The following BNIP2 variants were observed in gnomAD, a reference collection of about 807,000 sequenced individuals.
BNIP2 encodes the protein BCL2 interacting protein 2, also known as BCL2/adenovirus E1B 19 kDa protein-interacting protein 2.
Under a neutral mutation model 43.4 loss-of-function variants are expected in BNIP2, and 36 were observed. That is an observed-to-expected ratio of 0.83 (90% CI 0.64 to 1.10). The LOEUF (loss-of-function observed/expected upper bound fraction) is 1.10. Ranked by LOEUF, BNIP2 falls within the 50% of genes least tolerant of loss-of-function variation. The pLI is 0.00. For missense variants in BNIP2, 417 were observed against 374.1 expected (o/e 1.11, Z -0.95); for synonymous variants, 146 against 121.0 (o/e 1.21, Z -1.35).
At chr15:59,664,353 A>C (rs1892439370) in intron 9 of BNIP2, among the ~76,000 whole-genome samples, 1 of 152,180 alleles carries the variant, frequency 6.6e-6, no homozygotes, top group Admixed American at 6.5e-5. Context: ...AGATTATAAA[A>C]TACTTTACAT....
intron 1 of BNIP2, among the ~76,000 whole-genome samples, chr15:59,683,191 A>T (rs1478336952): frequency 6.7e-6 from 1 of 148,850 alleles, no homozygotes; most frequent in African/African-American, 2.5e-5. Flanking sequence ...TATGCCATGA[A>T]CTTTAGTTTT....
intron 1 of BNIP2, among the ~76,000 whole-genome samples, chr15:59,687,363 T>C (rs1406848664): frequency 6.6e-6 from 1 of 151,336 alleles, no homozygotes; most frequent in Admixed American, 6.6e-5. Context: ...TTTTTTTTTT[T>C]TTTTTTGAGA....
At chr15:59,673,954 G>C (rs767648527) in intron 5 of BNIP2, among the ~76,000 whole-genome samples, 1 of 151,832 alleles carries the variant, frequency 6.6e-6, no homozygotes, top group Non-Finnish European at 1.5e-5. Context: ...GCTGGGTGTG[G>C]TGGTGTGCAC....
chr15:59,683,756 T>A (rs774242214), intron 1 of BNIP2, among the ~76,000 whole-genome samples: 1 of 151,986 alleles, frequency 6.6e-6, no homozygotes, highest in East Asian at 1.9e-4. Flanking sequence ...GAGGTGGAGG[T>A]TGCAGCGAGC....
At chr15:59,682,543 A>C in intron 1 of BNIP2, 29 bp from the exon 2 acceptor site, 1 of 1,550,316 alleles carries the variant, frequency 6.5e-7, no homozygotes, top group Non-Finnish European at 8.8e-7. Flanking sequence ...GTATAACTTA[A>C]TTTCCACTTT....
At chr15:59,668,234 C>T (rs1892683164) in intron 9 of BNIP2, 2 of 698,998 alleles carry the variant, frequency 2.9e-6, no homozygotes, top group South Asian at 1.8e-5. Flanking sequence ...TTAAATTTTC[C>T]AGCAAAACCA....
chr15:59,676,022 T>G (rs958953135), intron 5 of BNIP2, among the ~76,000 whole-genome samples: 1 of 152,170 alleles, frequency 6.6e-6, no homozygotes, highest in African/African-American at 2.4e-5. Flanking sequence ...TTTAGGGGTA[T>G]GGGTTTTATA....
intron 5 of BNIP2, among the ~76,000 whole-genome samples, chr15:59,675,080 C>T (rs1893186514): frequency 6.6e-6 from 1 of 151,448 alleles, no homozygotes; most frequent in African/African-American, 2.4e-5. Context: ...GAAACCCCGT[C>T]TCTACTAAAA....
At chr15:59,668,028 C>G (rs1892667971) in intron 9 of BNIP2, 1 of 1,027,610 alleles carries the variant, frequency 9.7e-7, no homozygotes, top group Non-Finnish European at 1.3e-6. Flanking sequence ...ACAAGCTAAC[C>G]AACCAATAAG....
chr15:59,688,566 C>T (rs1894169457), intron 1 of BNIP2: 1 of 797,000 alleles, frequency 1.3e-6, no homozygotes, highest in African/African-American at 1.7e-5. Context: ...AAATCCAAAC[C>T]ATTTTGCCAG....
intron 1 of BNIP2, among the ~76,000 whole-genome samples, chr15:59,687,058 T>G (rs1894065823): frequency 6.6e-6 from 1 of 152,118 alleles, no homozygotes; most frequent in Non-Finnish European, 1.5e-5. Context: ...ACACAAAATT[T>G]AGAGGAAAAA....
At chr15:59,682,320 C>G (rs6151485) in intron 2 of BNIP2, 88 bp downstream of exon 2, 4 of 1,195,646 alleles carry the variant, frequency 3.3e-6, no homozygotes, top group Non-Finnish European at 3.6e-6. Flanking sequence ...GAGCAAGACT[C>G]CGTCTCAAAA....
intron 9 of BNIP2, among the ~76,000 whole-genome samples, chr15:59,666,565 G>A (rs1040384652): frequency 2.6e-5 from 4 of 152,160 alleles, no homozygotes; most frequent in African/African-American, 9.7e-5. Context: ...TACTTGGGGG[G>A]CTGAGGCAGC....
rs192762703 is a variant in BNIP2 at position 59,661,707 on chromosome 15, C to T, written c.*2362G>A. 6.6e-6 allele frequency: 1 copy of T among 152,276 alleles called. No homozygotes were observed. The highest frequency in any genetic ancestry group is 1.9e-4 in the East Asian group (1 of 5,184). The allele number at this position is 152,276 out of a possible 1,614,324, so 9.4% of individuals were successfully genotyped here. ...TGATCCCAACAGAAAGATAAAAGTA[C>T]AATCACATATACTTTCACCTTGGTC... On this transcript the variant is annotated 3_prime_UTR_variant, in exon 10 of 10. Coordinates refer to ENST00000607373, the MANE Select transcript of BNIP2 (RefSeq NM_004330.4).
intron 5 of BNIP2, among the ~76,000 whole-genome samples, chr15:59,673,504 A>G (rs1893068125): frequency 6.6e-6 from 1 of 152,192 alleles, no homozygotes; most frequent in Non-Finnish European, 1.5e-5. Flanking sequence ...CAGCTCATGC[A>G]GCCTTGAACT....
intron 9 of BNIP2, among the ~76,000 whole-genome samples, chr15:59,667,093 G>GA (rs1447965760): frequency 6.6e-6 from 1 of 152,166 alleles, no homozygotes; most frequent in East Asian, 1.9e-4. Flanking sequence ...GCCTAGAAAG[G>GA]AATGTGAAAT....
At position 59,661,473 on chromosome 15, in the gene BNIP2, A is replaced by T. The variant is rs1194268813; in HGVS notation, c.*2596T>A. 1 of 152,108 alleles carries T rather than the reference A, an allele frequency of 6.6e-6. No homozygotes were observed. The highest frequency in any genetic ancestry group is 1.5e-5 in the Non-Finnish European group (1 of 68,024). The allele number at this position is 152,108 out of a possible 1,614,324, so 9.4% of individuals were successfully genotyped here. A position where few individuals can be genotyped will look rare whatever the true frequency, so the allele number is the denominator to read the frequency against. On this transcript the variant is annotated 3_prime_UTR_variant, in exon 10 of 10. Transcript: ENST00000607373. ...ATGCCTCTGCTAGACCCTACTTAGA[A>T]TCATATTTCTTCATATCTCCCTCTG...
At chr15:59,670,812 G>A (rs1210196040) in intron 7 of BNIP2, among the ~76,000 whole-genome samples, 7 of 152,136 alleles carry the variant, frequency 4.6e-5, no homozygotes, top group Admixed American at 3.3e-4. Context: ...GGTGGCTCAC[G>A]CCTGTAATCC....
At position 59,676,144 on chromosome 15, in the gene BNIP2, T is replaced by C. The variant is rs868161230; in HGVS notation, c.472+1767A>G. Among the ~76,000 whole-genome samples, 34 of 152,326 alleles carry C rather than the reference T, an allele frequency of 2.2e-4. 1 individual carries two copies. The highest frequency in any genetic ancestry group is 6.8e-3 in the Middle Eastern group (2 of 294). ...TAGGGAGACTGTTCAGTCCCAGTTTTGGGTAGCCTAGAGACAGTTTAAAAA... is the reference window on the plus strand; with the variant it reads ...TAGGGAGACTGTTCAGTCCCAGTTTCGGGTAGCCTAGAGACAGTTTAAAAA... On this transcript the variant is annotated intron_variant, in intron 5 of 9. Transcript: ENST00000607373.
Sources: gnomAD v4.1 joint callset for allele counts (sites outside exome capture counted in the v4.1 genomes callset) on GRCh38, gnomAD v4.1.1 for gene constraint, MANE v1.5 for transcripts, NCBI Gene and HGNC (gene_info 2026-07-23, HGNC 2026-07-21) for gene names.